SLC38A2: variants seen among roughly 807,000 people sequenced by gnomAD.
The protein encoded by SLC38A2 is solute carrier family 38 member 2.
A neutral mutation model predicts 61.5 loss-of-function variants in SLC38A2; 11 were observed. That is an observed-to-expected ratio of 0.18 (90% CI 0.11 to 0.30). The LOEUF (loss-of-function observed/expected upper bound fraction) is 0.30. Ranked by LOEUF, SLC38A2 falls within the 10% of genes least tolerant of loss-of-function variation. The probability of loss-of-function intolerance (pLI) is 1.00; values close to 1 mark genes in which losing one functional copy is unlikely to be tolerated. For synonymous variants in SLC38A2, 217 were observed against 212.5 expected, an observed-to-expected ratio of 1.02 and a Z score of -0.18; for missense variants, 522 against 600.4, an observed-to-expected ratio of 0.87 and a Z score of 1.36.
chr12:46,363,904 T>C lies in SLC38A2; in HGVS notation c.953+20A>G. On this transcript the variant is annotated intron_variant, in intron 11 of 15. Transcript: ENST00000256689. ...ATTGTCTAATATTTTCTCAAATTTA[T>C]GTAAAAATGAAATACTCACTCTTTC... is the stretch of plus-strand genomic sequence containing the variant. 1.9e-6 allele frequency: 3 copies of C among 1,597,492 alleles called. No individual in the cohort carries two copies. The highest frequency in any genetic ancestry group is 2.6e-6 in the Non-Finnish European group (3 of 1,174,508).
At chr12:46,362,417 T>C (rs1943091015) in intron 14 of SLC38A2, 36 bp from the exon 15 acceptor site, 2 of 1,601,174 alleles carry the variant, frequency 1.2e-6, no homozygotes, top group Admixed American at 3.5e-5. Context: ...GAGGATTCAA[T>C]GAACCACTCG....
chr12:46,364,223 T>G (rs952645944), intron 10 of SLC38A2, among the ~76,000 whole-genome samples, 166 bp downstream of exon 10: 2 of 152,202 alleles, frequency 1.3e-5, no homozygotes, highest in Admixed American at 1.3e-4. Flanking sequence ...ATTCTCAATC[T>G]ATTTTCAGAT....
At chr12:46,364,340 C>A (rs1405713926) in intron 10 of SLC38A2, 49 bp downstream of exon 10, 1 of 1,512,226 alleles carries the variant, frequency 6.6e-7, no homozygotes. Flanking sequence ...TAGCTTCCCT[C>A]TTTTCTTCCC....
chr12:46,360,435 A>C lies in SLC38A2; in HGVS notation c.*676T>G, dbSNP rs931880338. ...TTTAAATGGAAAAAACTATGCTCCTAATTCATGGTACAATTTTTCATTACA... is the reference window on the plus strand; with the variant it reads ...TTTAAATGGAAAAAACTATGCTCCTCATTCATGGTACAATTTTTCATTACA... On this transcript the variant is annotated 3_prime_UTR_variant, in exon 16 of 16. Coordinates refer to ENST00000256689, the MANE Select transcript of SLC38A2 (RefSeq NM_018976.5). 4 of 152,154 alleles carry C rather than the reference A, an allele frequency of 2.6e-5. No homozygotes were observed. The highest frequency in any genetic ancestry group is 5.9e-5 in the Non-Finnish European group (4 of 68,014). The allele number at this position is 152,154 out of a possible 1,614,324, so 9.4% of individuals were successfully genotyped here. A position where few individuals can be genotyped will look rare whatever the true frequency, so the allele number is the denominator to read the frequency against.
chr12:46,362,008 T>C (rs796410596), intron 15 of SLC38A2: 13 of 264,078 alleles, frequency 4.9e-5, no homozygotes, highest in African/African-American at 2.5e-4. Flanking sequence ...TGAACAAATG[T>C]TGAAAGCTGA....
chr12:46,359,231 TG>T lies in SLC38A2; in HGVS notation c.*1879del, dbSNP rs376158818. On this transcript the variant is annotated 3_prime_UTR_variant, in exon 16 of 16. Coordinates refer to ENST00000256689, the MANE Select transcript of SLC38A2 (RefSeq NM_018976.5). ...CTAGAGGTGAGGTTCTGCATTCGAATGGAGTGCCTAAAGCCCAATTAAATGA... is the reference window on the plus strand; with the variant it reads ...CTAGAGGTGAGGTTCTGCATTCGAATGAGTGCCTAAAGCCCAATTAAATGA... The T allele has an allele frequency of 2.2e-4, 33 of 152,714 alleles. No homozygotes were observed. In the East Asian group the frequency reaches 6.4e-3, roughly 29 times the overall value. 9.5% of individuals were successfully genotyped at this position (152,714 alleles called of 1,614,324 possible).
intron 4 of SLC38A2, 71 bp downstream of exon 4, chr12:46,370,441 T>C (rs1943182696): frequency 8.4e-7 from 1 of 1,183,944 alleles, no homozygotes; most frequent in Admixed American, 1.8e-5. Flanking sequence ...TAAATTCAGT[T>C]TCTGGAGCCA....
chr12:46,371,108 G>A (rs1943191926), intron 2 of SLC38A2, 70 bp downstream of exon 2: 5 of 1,241,184 alleles, frequency 4.0e-6, no homozygotes, highest in Non-Finnish European at 6.0e-6. Flanking sequence ...AATGGAAGCA[G>A]AGTCCTAGGT....
intron 1 of SLC38A2, 97 bp downstream of exon 1, chr12:46,372,412 C>G (rs1353857550): frequency 3.0e-6 from 1 of 336,210 alleles, no homozygotes; most frequent in Non-Finnish European, 5.4e-6. Context: ...AAACGGACCC[C>G]GCGGCCGCCT....
In SLC38A2 at chr12:46,363,063, C is replaced by T. The variant is rs775700134; in HGVS notation, c.1137G>A (p.Val379=). ...GTACTGTCAGGGTCACAGCCATTAA[C>T]ACAGCCAGACGGACAATGAGAAGAA... ...DILLLIVRLA[V]LMAVTLTVPV... The change falls in exon 13 of 16, where the codon GTG becomes GTA. Residue 379 remains valine, a synonymous_variant. Transcript: ENST00000256689. 3.1e-6 allele frequency: 5 copies of T among 1,613,118 alleles called. No homozygotes were observed. In the Admixed American group the frequency reaches 6.7e-5, roughly 22 times the overall value.
In SLC38A2 at chr12:46,362,571, A is replaced by G; in HGVS notation, c.1247T>C (p.Ile416Thr). Residue 416 changes from isoleucine to threonine, a missense_variant, in exon 14 of 16, where the codon ATT becomes ACT. By Grantham distance (89) the Ile-to-Thr change is moderately conservative (BLOSUM62 -1). Coordinates refer to ENST00000256689, the MANE Select transcript of SLC38A2 (RefSeq NM_018976.5). ...KDFSWWRHSL[I>T]TVSILAFTNL... Reference sequence around the variant, plus strand: ...GGTAAATGCCAAGATAGACACTGTAATGAGACTATGACGCCACCAACTGAA... The same window carrying G: ...GGTAAATGCCAAGATAGACACTGTAGTGAGACTATGACGCCACCAACTGAA... 6.2e-7 allele frequency: 1 copy of G among 1,601,620 alleles called. No individual in the cohort carries two copies. Among genetic ancestry groups the G allele is most frequent in the Non-Finnish European group, 8.5e-7 (1 of 1,177,020 alleles).
rs762421072 is a variant in SLC38A2, at chr12:46,367,082, T to C, written c.475A>G (p.Ile159Val). ...TCTTTTGAAAAATTCTTACCTCCAA[T>C]GTTCTGCATTGTAATTGATCCAGAT... Reference protein sequence around the residue: ...AASGSITMQNIGAMSSYLFIV... With the variant: ...AASGSITMQNVGAMSSYLFIV... Residue 159 changes from isoleucine (I) to valine (V), a missense_variant, in exon 6 of 16, where the codon ATT becomes GTT. Physicochemically the swap from Ile to Val is conservative, Grantham distance 29 (BLOSUM62 3). Around this residue, in one of 3 missense-constraint regions of SLC38A2, gnomAD observed 111 missense variants for 173.4 expected, o/e 0.64. Transcript: ENST00000256689. 3.1e-6 allele frequency: 5 copies of C among 1,613,796 alleles called. No homozygotes were observed. The African/African-American group carries it at 5.3e-5, about 17-fold the overall frequency.
intron 1 of SLC38A2, among the ~76,000 whole-genome samples, chr12:46,372,082 T>C (rs1369140279): frequency 6.6e-6 from 1 of 152,200 alleles, no homozygotes; most frequent in Admixed American, 6.5e-5. Flanking sequence ...GATTGTCAAA[T>C]GTTCCCAACT....
chr12:46,370,598 T>C lies in SLC38A2; in HGVS notation c.228A>G (p.Ser76=). The C allele has an allele frequency of 6.2e-7, 1 of 1,614,078 alleles. No homozygotes were observed. The highest frequency in any genetic ancestry group is 8.5e-7 in the Non-Finnish European group (1 of 1,179,944). The change falls in exon 4 of 16, where the codon TCA becomes TCG. Residue 76 remains serine (S), a synonymous_variant. Coordinates refer to ENST00000256689, the MANE Select transcript of SLC38A2 (RefSeq NM_018976.5). ...FHPGTTSFGM[S]VFNLSNAIVG... ...CAATCGCATTGCTCAGATTAAATAC[T>C]GACATTCCAAAGGAAGTAGTACCTG...
In SLC38A2 at chr12:46,364,383, A is replaced by T. The variant is rs1943116004; in HGVS notation, c.873+6T>A. On this transcript the variant is annotated splice_donor_region_variant and intron_variant, in intron 10 of 15. Transcript: ENST00000256689. ...TTCTTTTGAGAAAATAAGCATATTTAGTTACCTGTGAGTTGAAAATAAAAT... is the reference window on the plus strand; with the variant it reads ...TTCTTTTGAGAAAATAAGCATATTTTGTTACCTGTGAGTTGAAAATAAAAT... 9 of 1,571,162 alleles carry T rather than the reference A, an allele frequency of 5.7e-6. No individual in the cohort carries two copies. The East Asian group carries it at 2.0e-4, about 35-fold the overall frequency.
rs1943064938 is a variant in SLC38A2 at position 46,360,127 on chromosome 12, A to G, written c.*984T>C. ...TTCCACTGCTGGAAGCAATGTCAAA[A>G]AAGGGCTGGCCCAAAAAAAGACCCA... On this transcript the variant is annotated 3_prime_UTR_variant, in exon 16 of 16. Transcript: ENST00000256689. 1 of 152,656 alleles carries G rather than the reference A, an allele frequency of 6.6e-6. No homozygotes were observed. The highest frequency in any genetic ancestry group is 6.5e-5 in the Admixed American group (1 of 15,286). The allele number at this position is 152,656 out of a possible 1,614,324, so 9.5% of individuals were successfully genotyped here.
chr12:46,364,322 G>A, intron 10 of SLC38A2, 67 bp downstream of exon 10: 1 of 1,432,950 alleles, frequency 7.0e-7, no homozygotes, highest in Non-Finnish European at 9.4e-7. Flanking sequence ...CTTTACCCTG[G>A]GAGTGAATAG....
chr12:46,363,149 C>T lies in SLC38A2; in HGVS notation c.1055-4G>A. On this transcript the variant is annotated splice_polypyrimidine_tract_variant and splice_region_variant and intron_variant, in intron 12 of 15. Coordinates refer to ENST00000256689, the MANE Select transcript of SLC38A2 (RefSeq NM_018976.5). The stretch of plus-strand genomic sequence containing the variant: ...AGCAATTCTGACTCAACATGTTCTA[C>T]AGGGAAAGACCAAAAAAACTTTGAT... 3 of 1,608,748 alleles carry T rather than the reference C, an allele frequency of 1.9e-6. No individual in the cohort carries two copies. Among genetic ancestry groups the T allele is most frequent in the Non-Finnish European group, 2.5e-6 (3 of 1,177,438 alleles).
chr12:46,364,446 T>G lies in SLC38A2; in HGVS notation c.816A>C (p.Ser272=). 1 of 1,609,502 alleles carries G rather than the reference T, an allele frequency of 6.2e-7. No individual in the cohort carries two copies. The highest frequency in any genetic ancestry group is 8.5e-7 in the Non-Finnish European group (1 of 1,178,502). The change falls in exon 10 of 16, where the codon TCA becomes TCC. Residue 272 remains serine (S), a synonymous_variant. Transcript: ENST00000256689. ...TQPTALVPAL[S]HNVTENDSCR... Reference sequence around the variant, plus strand: ...AAGAGTCATTTTCAGTCACGTTATGTGACAAAGCAGGTACAAGAGCTGTTG... The same window carrying G: ...AAGAGTCATTTTCAGTCACGTTATGGGACAAAGCAGGTACAAGAGCTGTTG...
Sources: allele counts gnomAD v4.1 joint callset (sites outside exome capture counted in the v4.1 genomes callset), GRCh38; gene constraint gnomAD v4.1.1; regional missense constraint gnomAD v4.1.1; transcripts MANE v1.5; gene names NCBI Gene and HGNC (gene_info 2026-07-23, HGNC 2026-07-21).